ERBB4: variants seen among roughly 807,000 people sequenced by gnomAD.
ERBB4 encodes the protein erb-b2 receptor tyrosine kinase 4.
Under a neutral mutation model 158.0 loss-of-function variants are expected in ERBB4, and 42 were observed. That is an observed-to-expected ratio of 0.27 (90% CI 0.21 to 0.34). ERBB4 has a LOEUF of 0.34. Ranked by LOEUF, ERBB4 falls within the 10% of genes least tolerant of loss-of-function variation. The pLI, the probability that ERBB4 is intolerant of heterozygous loss-of-function variation, is 1.00. For synonymous variants in ERBB4, 583 were observed against 558.7 expected, an observed-to-expected ratio of 1.04 and a Z score of -0.61; for missense variants, 1,333 against 1,624.1, an observed-to-expected ratio of 0.82 and a Z score of 3.08.
chr2:211,829,883 TAAAATATAC>T (rs2077182939), intron 3 of ERBB4, among the ~76,000 whole-genome samples: 1 of 152,138 alleles, frequency 6.6e-6, no homozygotes, highest in Admixed American at 6.6e-5. Context: ...ATAAATGACA[TAAAATATAC>T]AAAATGCCTG....
intron 1 of ERBB4, among the ~76,000 whole-genome samples, chr2:212,329,964 T>C (rs1343837194): frequency 6.6e-6 from 1 of 152,002 alleles, no homozygotes; most frequent in Non-Finnish European, 1.5e-5. Flanking sequence ...TCCACTGAAA[T>C]CAAAAACCAT....
At chr2:211,905,681 T>C (rs2371343) in intron 3 of ERBB4, among the ~76,000 whole-genome samples, 28,064 of 110,294 alleles carry the variant, frequency 0.25, 3,994 homozygotes, top group African/African-American at 0.38. Context: ...TATATATATA[T>C]ACACACATAT....
rs575731218 is a variant in ERBB4, at chr2:211,547,012, T to C, written c.2487+14891A>G. On this transcript the variant is annotated intron_variant, in intron 20 of 27. Transcript: ENST00000342788. The stretch of plus-strand genomic sequence containing the variant: ...ATCTTGATTGTGGTGGCTATATGAA[T>C]CTACACACGTGATAAAACTTCATAG... 6.6e-5 allele frequency among the ~76,000 whole-genome samples: 10 copies of C among 152,156 alleles called. No individual in the cohort carries two copies. The East Asian group carries it at 1.9e-3, about 29-fold the overall frequency.
intron 17 of ERBB4, among the ~76,000 whole-genome samples, chr2:211,629,532 A>C (rs1305578173): frequency 6.6e-6 from 1 of 152,190 alleles, no homozygotes; most frequent in Admixed American, 6.5e-5. Flanking sequence ...TCTTCACAGA[A>C]TTGGAAAAAA....
intron 1 of ERBB4, among the ~76,000 whole-genome samples, chr2:212,310,798 A>G (rs1203086966): frequency 6.6e-6 from 1 of 150,728 alleles, no homozygotes; most frequent in Non-Finnish European, 1.5e-5. Flanking sequence ...TATCCAGTTC[A>G]TACAGCACCA....
intron 1 of ERBB4, among the ~76,000 whole-genome samples, chr2:212,428,503 TCCAG>T (rs200874457): frequency 0.024 from 3,611 of 152,136 alleles, 97 homozygotes; most frequent in South Asian, 0.052. Context: ...ATGATAGTTG[TCCAG>T]GACTGGAGAG....
intron 1 of ERBB4, among the ~76,000 whole-genome samples, chr2:212,442,567 G>A (rs578004347): frequency 5.2e-4 from 79 of 152,252 alleles, no homozygotes; most frequent in African/African-American, 1.8e-3. Flanking sequence ...TTAAAGTAAG[G>A]TCTTATGGAG....
intron 3 of ERBB4, among the ~76,000 whole-genome samples, chr2:211,939,148 T>G (rs1160082772): frequency 6.6e-6 from 1 of 152,166 alleles, no homozygotes; most frequent in African/African-American, 2.4e-5. Context: ...TAAGACCTAT[T>G]GCTCAAGTTT....
rs1360047608 is a variant in ERBB4, at chr2:212,257,274, C to T, written c.83-132371G>A. On this transcript the variant is annotated intron_variant, in intron 1 of 27. Coordinates refer to ENST00000342788, the MANE Select transcript of ERBB4 (RefSeq NM_005235.3). Reference sequence around the variant, plus strand: ...TATTAATAGATCAATTTTCACTATGCTTTAGGTGATATGGAATCTTAAATA... The same window carrying T: ...TATTAATAGATCAATTTTCACTATGTTTTAGGTGATATGGAATCTTAAATA... Among the ~76,000 whole-genome samples the T allele has an allele frequency of 2.0e-5, 3 of 152,086 alleles. No individual in the cohort carries two copies. The East Asian group carries it at 5.8e-4, about 29-fold the overall frequency.
At chr2:212,202,918 TATTAA>T (rs1166520894) in intron 1 of ERBB4, among the ~76,000 whole-genome samples, 1 of 151,816 alleles carries the variant, frequency 6.6e-6, no homozygotes, top group Non-Finnish European at 1.5e-5. Flanking sequence ...CGGCTAATTA[TATTAA>T]TAGTATTACA....
At chr2:211,794,719 G>GA (rs1229946797) in intron 3 of ERBB4, among the ~76,000 whole-genome samples, 2 of 151,670 alleles carry the variant, frequency 1.3e-5, no homozygotes, top group African/African-American at 2.4e-5. Flanking sequence ...ATATTCCCCG[G>GA]AAAAAATTAA....
chr2:212,192,773 G>C (rs146187761), intron 1 of ERBB4, among the ~76,000 whole-genome samples: 1,408 of 128,934 alleles, frequency 0.011, 16 homozygotes, highest in African/African-American at 0.039. Flanking sequence ...TGAAAAGTTT[G>C]CCCAGTTACA....
At chr2:211,522,767 A>T (rs1559256205) in intron 20 of ERBB4, among the ~76,000 whole-genome samples, 1 of 152,132 alleles carries the variant, frequency 6.6e-6, no homozygotes, top group Non-Finnish European at 1.5e-5. Flanking sequence ...TTTTTTTAGC[A>T]ATAAAGTATT....
intron 19 of ERBB4, among the ~76,000 whole-genome samples, chr2:211,569,758 A>G (rs1217838991): frequency 1.3e-5 from 2 of 152,238 alleles, no homozygotes; most frequent in Non-Finnish European, 2.9e-5. Context: ...CTCTAATGGC[A>G]TGAGATGGGA....
intron 20 of ERBB4, among the ~76,000 whole-genome samples, chr2:211,545,907 G>A (rs541889320): frequency 2.0e-5 from 3 of 152,032 alleles, no homozygotes; most frequent in Non-Finnish European, 4.4e-5. Flanking sequence ...TTGAGGTGGA[G>A]ACTGAGCTTA....
chr2:211,417,411 T>A (rs1453144182), intron 25 of ERBB4, among the ~76,000 whole-genome samples: 2 of 151,972 alleles, frequency 1.3e-5, no homozygotes, highest in Non-Finnish European at 2.9e-5. Flanking sequence ...CATGTGGAGG[T>A]TGCACTGAGC....
At chr2:211,993,882 T>C (rs13033114) in intron 2 of ERBB4, among the ~76,000 whole-genome samples, 3 of 151,710 alleles carry the variant, frequency 2.0e-5, no homozygotes, top group Non-Finnish European at 4.4e-5. Flanking sequence ...TTCAGTGTGC[T>C]ACAGGATAAA....
intron 2 of ERBB4, among the ~76,000 whole-genome samples, chr2:212,010,388 T>G (rs1291796035): frequency 2.0e-5 from 3 of 152,126 alleles, no homozygotes; most frequent in Non-Finnish European, 2.9e-5. Flanking sequence ...ATTTGTTTAT[T>G]TATTTATTTT....
At chr2:211,773,372 G>A (rs2075765141) in intron 4 of ERBB4, among the ~76,000 whole-genome samples, 1 of 150,816 alleles carries the variant, frequency 6.6e-6, no homozygotes, top group Non-Finnish European at 1.5e-5. Context: ...TACTTTTTAT[G>A]TACTTATTAC....
Sources: allele counts gnomAD v4.1 joint callset (sites outside exome capture counted in the v4.1 genomes callset), GRCh38; gene constraint gnomAD v4.1.1; transcripts MANE v1.5; gene names NCBI Gene and HGNC (gene_info 2026-07-23, HGNC 2026-07-21).